Variants in GALNTL6 observed in about 807,000 individuals in gnomAD.
GALNTL6 encodes the protein polypeptide N-acetylgalactosaminyltransferase like 6.
Under a neutral mutation model 73.7 loss-of-function variants are expected in GALNTL6, and 46 were observed. The observed-to-expected ratio is 0.62, with a 90% CI of 0.49 to 0.80. The LOEUF (loss-of-function observed/expected upper bound fraction) is 0.80, where lower values mean the gene tolerates loss of function less well. Ranked by LOEUF, GALNTL6 falls within the 30% of genes least tolerant of loss-of-function variation. The pLI is 0.00. For synonymous variants in GALNTL6, 259 were observed against 263.7 expected, an observed-to-expected ratio of 0.98 and a Z score of 0.17; for missense variants, 604 against 755.0, an observed-to-expected ratio of 0.80 and a Z score of 2.34.
chr4:172,292,782 T>G (rs2111103396), intron 3 of GALNTL6, among the ~76,000 whole-genome samples: 1 of 152,276 alleles, frequency 6.6e-6, no homozygotes, highest in Non-Finnish European at 1.5e-5. Context: ...AGTTATCCTT[T>G]AAGAAATTAC....
At chr4:172,694,557 C>A (rs1177345994) in intron 5 of GALNTL6, among the ~76,000 whole-genome samples, 1 of 152,066 alleles carries the variant, frequency 6.6e-6, no homozygotes, top group Non-Finnish European at 1.5e-5. Flanking sequence ...GATGCAACTG[C>A]CCTATTTCTG....
chr4:171,934,803 A>G (rs534308685), intron 2 of GALNTL6, among the ~76,000 whole-genome samples: 2 of 152,268 alleles, frequency 1.3e-5, no homozygotes, highest in African/African-American at 4.8e-5. Flanking sequence ...AGTTTCTGTT[A>G]ATGTTTTTCT....
At chr4:172,715,216 C>G (rs186832509) in intron 5 of GALNTL6, among the ~76,000 whole-genome samples, 168 of 152,166 alleles carry the variant, frequency 1.1e-3, no homozygotes, top group African/African-American at 3.4e-3. Context: ...GGACATTGTC[C>G]TTTATGAAGG....
At chr4:172,948,230 T>A (rs190531984) in intron 9 of GALNTL6, among the ~76,000 whole-genome samples, 4 of 152,350 alleles carry the variant, frequency 2.6e-5, no homozygotes, top group Admixed American at 6.5e-5. Flanking sequence ...TTTACTTATG[T>A]TTAAATGTTT....
chr4:171,909,104 C>T (rs1296622702), intron 2 of GALNTL6, among the ~76,000 whole-genome samples: 1 of 147,478 alleles, frequency 6.8e-6, no homozygotes, highest in African/African-American at 2.5e-5. Flanking sequence ...TGTAACTAAC[C>T]TGCACATTGT....
At chr4:172,287,805 G>A (rs1274731419) in intron 3 of GALNTL6, among the ~76,000 whole-genome samples, 2 of 152,156 alleles carry the variant, frequency 1.3e-5, no homozygotes, top group African/African-American at 4.8e-5. Context: ...TGGAGTTAAG[G>A]CACACTCTAC....
intron 5 of GALNTL6, among the ~76,000 whole-genome samples, chr4:172,561,209 C>T (rs1736347777): frequency 7.0e-6 from 1 of 143,408 alleles, no homozygotes; most frequent in Non-Finnish European, 1.5e-5. Context: ...GCCGAGATTG[C>T]GCCACTGCAG....
chr4:172,190,261 T>C (rs568421624), intron 2 of GALNTL6, among the ~76,000 whole-genome samples: 28 of 152,292 alleles, frequency 1.8e-4, no homozygotes, highest in African/African-American at 6.5e-4. Context: ...TTAGGACCTA[T>C]TGAAGCTCAT....
intron 2 of GALNTL6, among the ~76,000 whole-genome samples, chr4:172,119,053 C>T (rs936393942): frequency 6.6e-6 from 1 of 151,450 alleles, no homozygotes; most frequent in Non-Finnish European, 1.5e-5. Flanking sequence ...TAATAAAAAT[C>T]GTGTTATGAA....
chr4:171,940,860 T>TAAAA (rs1323077848), intron 2 of GALNTL6, among the ~76,000 whole-genome samples: 12 of 142,330 alleles, frequency 8.4e-5, no homozygotes, highest in Admixed American at 5.0e-4. Flanking sequence ...AATAAATAAA[T>TAAAA]AAATATATAA....
At chr4:172,665,828 AT>A (rs34913385) in intron 5 of GALNTL6, among the ~76,000 whole-genome samples, 2 of 152,074 alleles carry the variant, frequency 1.3e-5, no homozygotes, top group East Asian at 1.9e-4. Context: ...GATTTTTGTT[AT>A]TTTTTTACAA....
intron 2 of GALNTL6, among the ~76,000 whole-genome samples, chr4:171,931,210 C>T (rs1218566931): frequency 1.3e-5 from 2 of 152,114 alleles, no homozygotes; most frequent in Admixed American, 6.6e-5. Flanking sequence ...GAGACAGGGC[C>T]TCATTCTGTT....
intron 5 of GALNTL6, among the ~76,000 whole-genome samples, chr4:172,376,817 C>T (rs951712860): frequency 8.8e-4 from 134 of 152,174 alleles, no homozygotes; most frequent in African/African-American, 3.0e-3. Flanking sequence ...AGAATGAAGC[C>T]GCAGACCCTC....
At chr4:172,442,846 C>G (rs541749764) in intron 5 of GALNTL6, among the ~76,000 whole-genome samples, 1 of 151,592 alleles carries the variant, frequency 6.6e-6, no homozygotes, top group Non-Finnish European at 1.5e-5. Context: ...AAATAACATA[C>G]GTATTTTTAA....
intron 2 of GALNTL6, among the ~76,000 whole-genome samples, chr4:172,104,198 C>T (rs1732610152): frequency 6.6e-6 from 1 of 152,162 alleles, no homozygotes; most frequent in African/African-American, 2.4e-5. Flanking sequence ...CCGCCTCGGC[C>T]TCCCAAAGTG....
intron 5 of GALNTL6, among the ~76,000 whole-genome samples, chr4:172,653,872 T>A (rs1284884507): frequency 6.6e-6 from 1 of 152,242 alleles, no homozygotes; most frequent in East Asian, 1.9e-4. Flanking sequence ...TAATTGTATC[T>A]ACAAAACTTG....
intron 2 of GALNTL6, among the ~76,000 whole-genome samples, chr4:172,138,000 T>C (rs1348348003): frequency 6.6e-6 from 1 of 151,996 alleles, no homozygotes; most frequent in Non-Finnish European, 1.5e-5. Context: ...GATTTGGTGG[T>C]GTTGCCATGA....
chr4:171,885,159 A>G (rs1736574196), intron 2 of GALNTL6, among the ~76,000 whole-genome samples: 1 of 152,178 alleles, frequency 6.6e-6, no homozygotes, highest in Non-Finnish European at 1.5e-5. Context: ...ATGGTCTCGC[A>G]TGAAGTCTCC....
At chr4:171,971,343 A>C (rs1391857116) in intron 2 of GALNTL6, among the ~76,000 whole-genome samples, 1 of 152,170 alleles carries the variant, frequency 6.6e-6, no homozygotes, top group Non-Finnish European at 1.5e-5. Flanking sequence ...TACGGACTAC[A>C]AGGTTCCAAA....
Sources: allele counts gnomAD v4.1 joint callset (sites outside exome capture counted in the v4.1 genomes callset), GRCh38; gene constraint gnomAD v4.1.1; transcripts MANE v1.5; gene names NCBI Gene and HGNC (gene_info 2026-07-23, HGNC 2026-07-21).